Variants in KIF24 observed in about 807,000 individuals in gnomAD.
KIF24 encodes the protein kinesin-like protein KIF24.
KIF24 carries 81 observed loss-of-function variants against 118.9 expected under a neutral mutation model. The observed-to-expected ratio is 0.68, with a 90% CI of 0.57 to 0.82. KIF24 has a LOEUF of 0.82. Ranked by LOEUF, KIF24 falls within the 40% of genes least tolerant of loss-of-function variation. The pLI is 0.00. For missense variants in KIF24, 1,560 were observed against 1,661.6 expected (o/e 0.94, Z 1.06); for synonymous variants, 599 against 610.0 (o/e 0.98, Z 0.27).
chr9:34,319,869 A>G (rs1205506115), intron 1 of KIF24, among the ~76,000 whole-genome samples: 2 of 152,196 alleles, frequency 1.3e-5, no homozygotes, highest in African/African-American at 4.8e-5. Context: ...TGCTGAGCCC[A>G]GAAACTCCAC....
chr9:34,256,302 GCTGCCT>G lies in KIF24; in HGVS notation c.3299_3304del (p.Glu1100_Ala1101del), dbSNP rs1834837269. ...CCTAGTTGCTGAAGACACTGGCAAG[GCTGCCT>G]CTTGATCACCAGATGGCACTGTGTG... On this transcript the variant is annotated inframe_deletion, in exon 11 of 13. Transcript: ENST00000402558. 6.2e-7 allele frequency: 1 copy of G among 1,612,514 alleles called. No individual in the cohort carries two copies. Among genetic ancestry groups the G allele is most frequent in the South Asian group, 1.1e-5 (1 of 90,950 alleles).
At chr9:34,275,637 G>A (rs952124483) in intron 6 of KIF24, among the ~76,000 whole-genome samples, 4 of 152,184 alleles carry the variant, frequency 2.6e-5, no homozygotes, top group South Asian at 2.1e-4. Context: ...TCAGGAGATC[G>A]AGACCGTCCT....
intron 2 of KIF24, among the ~76,000 whole-genome samples, chr9:34,309,540 C>CAAAAA (rs397960934): frequency 6.1e-5 from 4 of 65,210 alleles, no homozygotes; most frequent in African/African-American, 1.2e-4. Context: ...GACTCCGTCT[C>CAAAAA]AAAAAAAAAA....
At chr9:34,329,489 G>A (rs1379702998), upstream of KIF24, 2 of 152,244 alleles carry the variant, frequency 1.3e-5, no homozygotes, top group Admixed American at 1.3e-4. Flanking sequence ...GCGGGTCGAA[G>A]ATCCTTCTGC....
chr9:34,319,701 T>A, intron 1 of KIF24: 2 of 708,592 alleles, frequency 2.8e-6, no homozygotes, highest in East Asian at 2.7e-5. Context: ...CAAAGGCTTC[T>A]GAGACACATG....
chr9:34,324,386 C>A (rs1365075070), intron 1 of KIF24, among the ~76,000 whole-genome samples: 4 of 152,164 alleles, frequency 2.6e-5, no homozygotes, highest in Non-Finnish European at 5.9e-5. Flanking sequence ...ATCCTAGAGG[C>A]CTTCTTCTCC....
chr9:34,259,240 T>C (rs1563934538), intron 10 of KIF24, among the ~76,000 whole-genome samples: 1 of 152,200 alleles, frequency 6.6e-6, no homozygotes, highest in Admixed American at 6.5e-5. Context: ...CTCTTACAAT[T>C]TGGGCTGAGG....
At chr9:34,325,392 G>C (rs983094324) in intron 1 of KIF24, among the ~76,000 whole-genome samples, 1 of 146,076 alleles carries the variant, frequency 6.8e-6, no homozygotes, top group Non-Finnish European at 1.5e-5. Flanking sequence ...TTATACCCAG[G>C]TTCTAAAACA....
intron 6 of KIF24, among the ~76,000 whole-genome samples, chr9:34,284,150 C>T (rs926044737): frequency 4.6e-5 from 7 of 152,160 alleles, no homozygotes; most frequent in Non-Finnish European, 1.0e-4. Flanking sequence ...TGCTTGTGGT[C>T]CCAGCTACTT....
chr9:34,328,808 T>C (rs1837766730), intron 1 of KIF24, among the ~76,000 whole-genome samples: 1 of 152,094 alleles, frequency 6.6e-6, no homozygotes, highest in Non-Finnish European at 1.5e-5. Context: ...CTAAAAGAGG[T>C]GCCGGTCAGG....
Position 34,318,576 on chromosome 9 carries a change from T to C in KIF24, c.-25-7205A>G. 1.5e-6 allele frequency: 2 copies of C among 1,315,774 alleles called. No individual in the cohort carries two copies. Among genetic ancestry groups the C allele is most frequent in the Non-Finnish European group, 2.2e-6 (2 of 926,264 alleles). 81.5% of individuals were successfully genotyped at this position (1,315,774 alleles called of 1,614,324 possible). ...CTGGCCTTCAGCCTGTACCAGGCCA[T>C]GGCCAAGGACCAGGCGGTGGAGAAC... On this transcript the variant is annotated intron_variant, in intron 1 of 12. Transcript: ENST00000402558. This position sits in a 1 kb window ranked among gnomAD's most constrained non-coding sequence, Gnocchi z 4.9.
chr9:34,263,828 C>T (rs1311967977), intron 8 of KIF24, among the ~76,000 whole-genome samples: 2 of 151,064 alleles, frequency 1.3e-5, no homozygotes, highest in Non-Finnish European at 2.9e-5. Flanking sequence ...CCTCCTGCCT[C>T]AGCCTCCTGG....
rs765041571 is a variant in KIF24, at chr9:34,318,842, G to A, written c.-25-7471C>T. 70 of 1,601,610 alleles carry A rather than the reference G, an allele frequency of 4.4e-5. No homozygotes were observed. The highest frequency in any genetic ancestry group is 5.4e-5 in the Non-Finnish European group (63 of 1,170,724). On this transcript the variant is annotated intron_variant, in intron 1 of 12. Coordinates refer to ENST00000402558, the MANE Select transcript of KIF24 (RefSeq NM_194313.4). The surrounding 1 kb of genome is among the most constrained non-coding windows in gnomAD (Gnocchi z 4.9). ...CTCAGTGAGTTTCGCTGATGACTTC[G>A]TGCGCAGCAGCAAGCAGCACTACAA...
intron 9 of KIF24, among the ~76,000 whole-genome samples, chr9:34,259,954 C>T (rs549873084): frequency 6.6e-6 from 1 of 152,108 alleles, no homozygotes; most frequent in Non-Finnish European, 1.5e-5. Flanking sequence ...AAGAGACTAA[C>T]GATGCCATTC....
At position 34,255,679 on chromosome 9, in the gene KIF24, G is replaced by A. The variant is rs149321119; in HGVS notation, c.3872+56C>T. On this transcript the variant is annotated intron_variant, in intron 11 of 12. Transcript: ENST00000402558. ...TTTGTCCATGACAAAACAGTAAGCTGGAGTGGAGGGTGGGTGCCAAAGGGG... is the reference window on the plus strand; with the variant it reads ...TTTGTCCATGACAAAACAGTAAGCTAGAGTGGAGGGTGGGTGCCAAAGGGG... 576 of 1,434,262 alleles carry A rather than the reference G, an allele frequency of 4.0e-4. 2 individuals are homozygous for A. The African/African-American group carries it at 7.0e-3, about 17-fold the overall frequency. 88.8% of individuals were successfully genotyped at this position (1,434,262 alleles called of 1,614,324 possible).
At chr9:34,271,961 C>G in intron 6 of KIF24, 31 bp from the exon 7 acceptor site, 4 of 1,557,920 alleles carry the variant, frequency 2.6e-6, no homozygotes, top group Non-Finnish European at 3.5e-6. Context: ...ATGACTTCCC[C>G]AAGGAGTAAA....
chr9:34,314,565 C>A (rs974314185), intron 1 of KIF24, among the ~76,000 whole-genome samples: 1 of 152,182 alleles, frequency 6.6e-6, no homozygotes, highest in Non-Finnish European at 1.5e-5. Context: ...TTAGGAAAGG[C>A]AGACATAACA....
At chr9:34,295,181 T>A (rs538983632) in intron 4 of KIF24, among the ~76,000 whole-genome samples, 1 of 132,882 alleles carries the variant, frequency 7.5e-6, no homozygotes, top group Non-Finnish European at 1.6e-5. Context: ...GGTAGGTGGA[T>A]TGGATGGATG....
At position 34,257,698 on chromosome 9, in the gene KIF24, G is replaced by A; in HGVS notation, c.1909C>T (p.Pro637Ser). 6.2e-7 allele frequency: 1 copy of A among 1,614,042 alleles called. No individual in the cohort carries two copies. The highest frequency in any genetic ancestry group is 8.5e-7 in the Non-Finnish European group (1 of 1,179,894). The change falls in exon 11 of 13, where the codon CCT (proline) becomes TCT (serine). Residue 637 changes from proline to serine, a missense_variant. Physicochemically the swap from Pro to Ser is moderately conservative, Grantham distance 74. Coordinates refer to ENST00000402558, the MANE Select transcript of KIF24 (RefSeq NM_194313.4). ...GCATGAATGACCCACTCTTGTGAAGGACTCCCTCTGGAGCCACCCCTTTTA... is the reference window on the plus strand; with the variant it reads ...GCATGAATGACCCACTCTTGTGAAGAACTCCCTCTGGAGCCACCCCTTTTA... Reference protein sequence around the residue: ...SGKRGGSRGSPSQEWVIHASP... With the variant: ...SGKRGGSRGSSSQEWVIHASP...
Sources: gnomAD v4.1 joint callset for allele counts (sites outside exome capture counted in the v4.1 genomes callset) on GRCh38, gnomAD v4.1.1 for gene constraint, Gnocchi (gnomAD v3.1) non-coding constraint, MANE v1.5 for transcripts, NCBI Gene and HGNC (gene_info 2026-07-23, HGNC 2026-07-21) for gene names.